The following PKIG variants were observed in gnomAD, a reference collection of about 807,000 sequenced individuals.
PKIG encodes the protein cAMP-dependent protein kinase inhibitor gamma, also known as protein kinase (cAMP-dependent, catalytic) inhibitor gamma.
PKIG carries 1 observed loss-of-function variant against 6.8 expected under a neutral mutation model. The observed-to-expected ratio is 0.15, with a 90% CI of 0.05 to 0.69. The LOEUF is 0.69. PKIG is among the 30% of genes least tolerant of loss of function. The pLI, the probability that PKIG is intolerant of heterozygous loss-of-function variation, is 0.82. For synonymous variants in PKIG, 39 were observed against 43.0 expected, an observed-to-expected ratio of 0.91 and a Z score of 0.36; for missense variants, 77 against 104.0, an observed-to-expected ratio of 0.74 and a Z score of 1.13.
intron 1 of PKIG, among the ~76,000 whole-genome samples, chr20:44,563,450 G>C (rs187265661): frequency 6.6e-6 from 1 of 151,864 alleles, no homozygotes; most frequent in East Asian, 1.9e-4. Flanking sequence ...TTCTGTTTTT[G>C]TCTAGGTTCC....
At chr20:44,592,688 T>C (rs1277573321) in intron 2 of PKIG, among the ~76,000 whole-genome samples, 1 of 152,112 alleles carries the variant, frequency 6.6e-6, no homozygotes, top group Non-Finnish European at 1.5e-5. Flanking sequence ...TCACTCCCTG[T>C]CTCCTGGCCA....
intron 3 of PKIG, 54 bp from the exon 4 acceptor site, chr20:44,618,231 G>A: frequency 2.6e-6 from 3 of 1,162,022 alleles, no homozygotes; most frequent in African/African-American, 1.5e-5. Context: ...ACCTCCTTCT[G>A]TGCATTACTT....
chr20:44,593,160 G>GA (rs3091908), intron 2 of PKIG, among the ~76,000 whole-genome samples: 151 of 143,978 alleles, frequency 1.0e-3, no homozygotes, highest in Middle Eastern at 7.1e-3. Context: ...TTCTATAAAA[G>GA]AAAAAAAAAA....
At chr20:44,611,227 T>C (rs752466378) in intron 2 of PKIG, among the ~76,000 whole-genome samples, 1 of 151,956 alleles carries the variant, frequency 6.6e-6, no homozygotes, top group African/African-American at 2.4e-5. Context: ...ACTAATTTTG[T>C]ATTTTTAGTA....
intron 2 of PKIG, among the ~76,000 whole-genome samples, chr20:44,597,731 C>T (rs1229613432): frequency 6.6e-6 from 1 of 152,110 alleles, no homozygotes; most frequent in African/African-American, 2.4e-5. Flanking sequence ...GATGTATGAT[C>T]TAAATTTGCC....
At chr20:44,573,647 G>A (rs1600863452) in intron 1 of PKIG, among the ~76,000 whole-genome samples, 1 of 152,234 alleles carries the variant, frequency 6.6e-6, no homozygotes, top group Admixed American at 6.5e-5. Context: ...CGCCCACACT[G>A]TGACCTCAAG....
intron 1 of PKIG, among the ~76,000 whole-genome samples, chr20:44,560,207 G>A (rs1047198701): frequency 1.3e-5 from 2 of 152,004 alleles, no homozygotes; most frequent in African/African-American, 4.8e-5. Context: ...CAGAGATTGT[G>A]CCACTGCACA....
chr20:44,611,344 G>A (rs1324583827), intron 2 of PKIG, among the ~76,000 whole-genome samples: 1 of 151,780 alleles, frequency 6.6e-6, no homozygotes, highest in Non-Finnish European at 1.5e-5. Context: ...ATGAGCCACC[G>A]CACCCGGCCT....
In PKIG at chr20:44,558,891, A is replaced by G. The variant is rs554099544; in HGVS notation, c.-240-23694A>G. On this transcript the variant is annotated intron_variant, in intron 1 of 4. Coordinates refer to the PKIG transcript ENST00000372887. Reference sequence around the variant, plus strand: ...CTCAGTCTCCCAAGTAGCTGGGACTATAAATGCGTGCCACTGTGCCCAGCT... The same window carrying G: ...CTCAGTCTCCCAAGTAGCTGGGACTGTAAATGCGTGCCACTGTGCCCAGCT... Among the ~76,000 whole-genome samples, 10 of 152,174 alleles carry G rather than the reference A, an allele frequency of 6.6e-5. No homozygotes were observed. In the South Asian group the frequency reaches 2.1e-3, roughly 32 times the overall value.
chr20:44,600,268 A>T lies in PKIG; in HGVS notation c.-24+10402A>T, dbSNP rs1455958632. On this transcript the variant is annotated intron_variant, in intron 2 of 3. Transcript: ENST00000372886. ...TGCAGAGGCAGGCAGGGCCAGGTCA[A>T]TGCAGGGCTTCAGGGACTGGCATCA... Among the ~76,000 whole-genome samples, 5 of 152,218 alleles carry T rather than the reference A, an allele frequency of 3.3e-5. No homozygotes were observed. In the South Asian group the frequency reaches 1.0e-3, roughly 32 times the overall value.
At chr20:44,610,213 C>T (rs1350574767) in intron 2 of PKIG, among the ~76,000 whole-genome samples, 1 of 152,248 alleles carries the variant, frequency 6.6e-6, no homozygotes, top group South Asian at 2.1e-4. Flanking sequence ...TCCTGGCCCT[C>T]CTCTATTTTA....
At chr20:44,537,055 A>C (rs2064518751) in intron 1 of PKIG, among the ~76,000 whole-genome samples, 1 of 151,888 alleles carries the variant, frequency 6.6e-6, no homozygotes, top group African/African-American at 2.4e-5. Flanking sequence ...TCAGCCTCCC[A>C]AGTAGCTGGG....
At chr20:44,575,375 C>T (rs569582313) in intron 1 of PKIG, among the ~76,000 whole-genome samples, 12 of 152,294 alleles carry the variant, frequency 7.9e-5, no homozygotes, top group South Asian at 4.1e-4. Context: ...CCTGCCACCA[C>T]GCCCAGCCAA....
chr20:44,596,717 G>T (rs2065078453), intron 2 of PKIG, among the ~76,000 whole-genome samples: 1 of 152,210 alleles, frequency 6.6e-6, no homozygotes, highest in African/African-American at 2.4e-5. Flanking sequence ...ACTGCTGGCA[G>T]TGGCCGTGGA....
In PKIG at chr20:44,539,344, A is replaced by G. The variant is rs1032769490; in HGVS notation, c.-241+7366A>G. Among the ~76,000 whole-genome samples the G allele has an allele frequency of 3.6e-4, 54 of 152,086 alleles. 1 individual carries two copies. Among genetic ancestry groups the G allele is most frequent in the Non-Finnish European group, 5.1e-4 (35 of 68,026 alleles). ...TGATCTCTTAAATCAAGCTTGTCCA[A>G]TCCGCAGCCTGTGGGCCAAATGCAG... On this transcript the variant is annotated intron_variant, in intron 1 of 4. Transcript: ENST00000372887.
chr20:44,592,755 G>C (rs2123393369), intron 2 of PKIG, among the ~76,000 whole-genome samples: 1 of 152,316 alleles, frequency 6.6e-6, no homozygotes, highest in Non-Finnish European at 1.5e-5. Flanking sequence ...TAAAAAGTGA[G>C]AATCCTGCCT....
At chr20:44,609,437 C>T (rs553056857) in intron 2 of PKIG, among the ~76,000 whole-genome samples, 1 of 152,308 alleles carries the variant, frequency 6.6e-6, no homozygotes, top group East Asian at 1.9e-4. Flanking sequence ...CCACGGTGCA[C>T]GGAGGCCCTT....
chr20:44,533,926 G>A (rs1404449972), intron 1 of PKIG, among the ~76,000 whole-genome samples: 5 of 152,150 alleles, frequency 3.3e-5, no homozygotes, highest in African/African-American at 1.2e-4. Context: ...TATGGAGGTC[G>A]GTTGGGACCT....
rs114215044 is a variant in PKIG, at chr20:44,551,853, C to T, written c.-241+19875C>T. 4.0e-3 allele frequency among the ~76,000 whole-genome samples: 610 copies of T among 152,310 alleles called. 9 individuals are homozygous for T. Among genetic ancestry groups the T allele is most frequent in the African/African-American group, 0.014 (585 of 41,566 alleles). The stretch of plus-strand genomic sequence containing the variant: ...CTTTAGTTCTACAACCACATATGCT[C>T]TAGATTTGTAAACAAATATTCATTT... On this transcript the variant is annotated intron_variant, in intron 1 of 4. Coordinates refer to the PKIG transcript ENST00000372887.
Sources: gnomAD v4.1 joint callset for allele counts (sites outside exome capture counted in the v4.1 genomes callset) on GRCh38, gnomAD v4.1.1 for gene constraint, MANE v1.5 for transcripts, NCBI Gene and HGNC (gene_info 2026-07-23, HGNC 2026-07-21) for gene names.